Variants in P3R3URF observed in about 807,000 individuals in gnomAD.
P3R3URF encodes P3R3URF protein.
P3R3URF carries 6 observed loss-of-function variants against 8.0 expected under a neutral mutation model. That is an observed-to-expected ratio of 0.75 (90% CI 0.41 to 1.47). P3R3URF has a LOEUF of 1.47. P3R3URF is among the 40% of genes most tolerant of loss of function. The probability of loss-of-function intolerance (pLI) is 0.01; values close to 1 mark genes in which losing one functional copy is unlikely to be tolerated. For synonymous variants in P3R3URF, 39 were observed against 36.7 expected, an observed-to-expected ratio of 1.06 and a Z score of -0.23; for missense variants, 121 against 117.3, an observed-to-expected ratio of 1.03 and a Z score of -0.14.
intron 1 of P3R3URF, 66 bp downstream of exon 1, chr1:46,176,162 A>G (rs1222428206): frequency 5.3e-6 from 8 of 1,521,912 alleles, no homozygotes; most frequent in East Asian, 2.5e-5. Flanking sequence ...GGCATGAGCC[A>G]CCGCACCCAG....
At position 46,176,215 on chromosome 1, in the gene P3R3URF, C is replaced by G; in HGVS notation, c.244+13G>C. 6.5e-7 allele frequency: 1 copy of G among 1,534,796 alleles called. No homozygotes were observed. Among genetic ancestry groups the G allele is most frequent in the East Asian group, 2.4e-5 (1 of 40,862 alleles). Reference sequence around the variant, plus strand: ...TTAAAACCCCACCCTGGCTCACAGGCCCCCTGGCTAACCTTGAGGTGGGAA... The same window carrying G: ...TTAAAACCCCACCCTGGCTCACAGGGCCCCTGGCTAACCTTGAGGTGGGAA... On this transcript the variant is annotated intron_variant, in intron 1 of 1. Transcript: ENST00000506599.
chr1:46,175,976 A>G (rs1044551222), intron 1 of P3R3URF: 2 of 521,724 alleles, frequency 3.8e-6, no homozygotes, highest in Admixed American at 3.3e-5. Context: ...GGGTTCAAGC[A>G]ATTCTCCTGC....
rs1049431979 is a variant in P3R3URF, at chr1:46,176,465, G to A, written c.7C>T (p.Pro3Ser). Residue 3 changes from proline to serine, a missense_variant, in exon 1 of 2, where the codon CCA (proline) becomes TCA (serine). Transcript: ENST00000506599. ...CGAGGGCCACGGACAAGCCGAGATGGCCCCATGGGCACAGGGAGCTTCTGC... is the reference window on the plus strand; with the variant it reads ...CGAGGGCCACGGACAAGCCGAGATGACCCCATGGGCACAGGGAGCTTCTGC... MG[P>S]SRLVRGPRPQ... 6.8e-5 allele frequency: 104 copies of A among 1,535,566 alleles called. No homozygotes were observed. In the Admixed American group the frequency reaches 6.9e-4, roughly 10 times the overall value.
intron 1 of P3R3URF, among the ~76,000 whole-genome samples, chr1:46,176,019 T>A (rs974355251): frequency 6.6e-6 from 1 of 152,088 alleles, no homozygotes; most frequent in South Asian, 2.1e-4. Context: ...ACTAAAGGCG[T>A]GTGCCACCAC....
Position 46,175,544 on chromosome 1 carries a change from G to A in P3R3URF, c.*42C>T. 2.5e-6 allele frequency: 1 copy of A among 399,030 alleles called. No individual in the cohort carries two copies. Among genetic ancestry groups the A allele is most frequent in the Non-Finnish European group, 4.4e-6 (1 of 226,380 alleles). 24.7% of individuals were successfully genotyped at this position (399,030 alleles called of 1,614,324 possible). A position where few individuals can be genotyped will look rare whatever the true frequency, so the allele number is the denominator to read the frequency against. ...CCCACACGGCCCCTAGGAGATGCAG[G>A]TCCAGGGCAAACCAAGCTTCTGGGC... On this transcript the variant is annotated 3_prime_UTR_variant, in exon 2 of 2. Transcript: ENST00000506599.
At position 46,175,632 on chromosome 1, in the gene P3R3URF, G is replaced by A. The variant is rs1023048716; in HGVS notation, c.245-3C>T. 2.5e-6 allele frequency: 1 copy of A among 399,352 alleles called. No homozygotes were observed. The highest frequency in any genetic ancestry group is 2.1e-5 in the African/African-American group (1 of 48,620). 24.7% of individuals were successfully genotyped at this position (399,352 alleles called of 1,614,324 possible). A position where few individuals can be genotyped will look rare whatever the true frequency, so the allele number is the denominator to read the frequency against. On this transcript the variant is annotated splice_polypyrimidine_tract_variant and splice_region_variant and intron_variant, in intron 1 of 1. Transcript: ENST00000506599. ...AGGTTGCCTGAGATGTCTGAGAACT[G>A]AGGAGAGGAAGGAGAGGGAAGAGTT... is the stretch of plus-strand genomic sequence containing the variant.
Position 46,175,579 on chromosome 1 carries a change from G to A in P3R3URF, c.*7C>T, listed in dbSNP as rs1657114240. 2.5e-6 allele frequency: 1 copy of A among 398,770 alleles called. No homozygotes were observed. Among genetic ancestry groups the A allele is most frequent in the South Asian group, 1.3e-4 (1 of 7,864 alleles). 24.7% of individuals were successfully genotyped at this position (398,770 alleles called of 1,614,324 possible). ...AACCAAGCTTCTGGGCTAGCTTCTG[G>A]GCACTTCTAGAGGATCAGAAAAATC... is the stretch of plus-strand genomic sequence containing the variant. On this transcript the variant is annotated 3_prime_UTR_variant, in exon 2 of 2. Transcript: ENST00000506599.
chr1:46,176,377 GGAA>G lies in P3R3URF; in HGVS notation c.92_94del (p.Phe31_Pro32delinsSer). ...TCTGCGGCTACACTTGAACATCCTG[GGAA>G]ATCGGGGCCTGGGCCAGCCCATACC... On this transcript the variant is annotated inframe_deletion, in exon 1 of 2. Transcript: ENST00000506599. 1 of 1,535,746 alleles carries G rather than the reference GGAA, an allele frequency of 6.5e-7. No individual in the cohort carries two copies. Among genetic ancestry groups the G allele is most frequent in the Non-Finnish European group, 8.7e-7 (1 of 1,146,920 alleles).
rs934712136 is a variant in P3R3URF at position 46,175,935 on chromosome 1, C to T, written c.244+293G>A. On this transcript the variant is annotated intron_variant, in intron 1 of 1. Coordinates refer to ENST00000506599, the MANE Select transcript of P3R3URF (RefSeq NM_001328655.2). ...TCACCCAGGCTGGAGTGCAGTGGCG[C>T]GATCTTGGCTCACTGCAACCTCTGC... is the stretch of plus-strand genomic sequence containing the variant. 26 of 479,714 alleles carry T rather than the reference C, an allele frequency of 5.4e-5. 1 individual carries two copies. Among genetic ancestry groups the T allele is most frequent in the East Asian group, 3.8e-4 (10 of 26,544 alleles). The allele number at this position is 479,714 out of a possible 1,614,324, so 29.7% of individuals were successfully genotyped here. A position where few individuals can be genotyped will look rare whatever the true frequency, so the allele number is the denominator to read the frequency against.
At chr1:46,175,829 C>T (rs904697633) in intron 1 of P3R3URF, 200 bp from the exon 2 acceptor site, 2 of 429,654 alleles carry the variant, frequency 4.7e-6, no homozygotes, top group Non-Finnish European at 4.1e-6. Context: ...CATCCTTTGG[C>T]GTGCCTAAAC....
chr1:46,175,679 A>G (rs1657119185), intron 1 of P3R3URF, 50 bp from the exon 2 acceptor site: 1 of 399,624 alleles, frequency 2.5e-6, no homozygotes, highest in Non-Finnish European at 4.4e-6. Context: ...GCAGTTCTGG[A>G]AGTTCCCTGC....
Position 46,176,094 on chromosome 1 carries a change from C to T in P3R3URF, c.244+134G>A. On this transcript the variant is annotated intron_variant, in intron 1 of 1. Coordinates refer to ENST00000506599, the MANE Select transcript of P3R3URF (RefSeq NM_001328655.2). ...ATTTCACCGTGTTAGCCAGGATGGTCTCGATCTCCTGACCTTGTGATCTGC... is the reference window on the plus strand; with the variant it reads ...ATTTCACCGTGTTAGCCAGGATGGTTTCGATCTCCTGACCTTGTGATCTGC... The T allele has an allele frequency of 5.3e-6, 5 of 951,680 alleles. No homozygotes were observed. The South Asian group carries it at 8.2e-5, about 16-fold the overall frequency. The allele number at this position is 951,680 out of a possible 1,614,324, so 59.0% of individuals were successfully genotyped here.
At chr1:46,175,968 G>A in intron 1 of P3R3URF, 4 of 521,474 alleles carry the variant, frequency 7.7e-6, no homozygotes, top group Non-Finnish European at 1.0e-5. Flanking sequence ...TGCCTCCCGG[G>A]TTCAAGCAAT....
At chr1:46,175,830 G>A (rs11582906) in intron 1 of P3R3URF, 20,721 of 431,094 alleles carry the variant, frequency 0.048, 666 homozygotes, top group Non-Finnish European at 0.058. Flanking sequence ...ATCCTTTGGC[G>A]TGCCTAAACA....
chr1:46,176,122 G>T, intron 1 of P3R3URF, 106 bp downstream of exon 1: 3 of 1,273,818 alleles, frequency 2.4e-6, no homozygotes, highest in Admixed American at 2.1e-5. Context: ...TGATCTGCCC[G>T]CCTTGGCCTC....
chr1:46,176,177 G>A, intron 1 of P3R3URF, 51 bp downstream of exon 1: 2 of 1,531,890 alleles, frequency 1.3e-6, no homozygotes, highest in Non-Finnish European at 1.7e-6. Flanking sequence ...ACCCAGCCTA[G>A]TGGCTCTGTT....
chr1:46,175,998 A>G (rs1346869538), intron 1 of P3R3URF, among the ~76,000 whole-genome samples: 1 of 151,538 alleles, frequency 6.6e-6, no homozygotes, highest in Non-Finnish European at 1.5e-5. Context: ...TCAGCCTCCC[A>G]AGTAGCTGGG....
In P3R3URF at chr1:46,176,299, G is replaced by GGATT. The variant is rs1657157117; in HGVS notation, c.169_172dup (p.Pro58GlnfsTer15). The GGATT allele has an allele frequency of 6.5e-7, 1 of 1,535,808 alleles. No individual in the cohort carries two copies. On this transcript the variant is annotated frameshift_variant, in exon 1 of 2. Coordinates refer to ENST00000506599, the MANE Select transcript of P3R3URF (RefSeq NM_001328655.2). LOFTEE classifies it high-confidence loss of function. ...GTTGATACCCATGGCCCTGGTGGCA[G>GGATT]GATTGATGGCTGCACTGCTGGCAGT...
chr1:46,176,027 C>T (rs781035560), intron 1 of P3R3URF, among the ~76,000 whole-genome samples: 18 of 152,320 alleles, frequency 1.2e-4, no homozygotes, highest in Middle Eastern at 3.4e-3. Context: ...CGTGTGCCAC[C>T]ACGCCCGGCT....
Sources: allele counts gnomAD v4.1 joint callset (sites outside exome capture counted in the v4.1 genomes callset), GRCh38; gene constraint gnomAD v4.1.1; transcripts MANE v1.5; gene names NCBI Gene and HGNC (gene_info 2026-07-23, HGNC 2026-07-21).